KDM4C: variants seen among roughly 807,000 people sequenced by gnomAD.
The protein encoded by KDM4C is lysine demethylase 4C.
KDM4C carries 81 observed loss-of-function variants against 129.3 expected under a neutral mutation model. The observed-to-expected ratio is 0.63, with a 90% CI of 0.52 to 0.75. The LOEUF (loss-of-function observed/expected upper bound fraction) is 0.75, where lower values mean the gene tolerates loss of function less well. Ranked by LOEUF, KDM4C falls within the 30% of genes least tolerant of loss-of-function variation. The probability of loss-of-function intolerance (pLI) is 0.00; values close to 1 mark genes in which losing one functional copy is unlikely to be tolerated. For missense variants in KDM4C, 1,457 were observed against 1,304.0 expected (o/e 1.12, Z -1.81); for synonymous variants, 573 against 456.1 (o/e 1.26, Z -3.26).
At chr9:7,161,857 C>G (rs920847252) in intron 19 of KDM4C, among the ~76,000 whole-genome samples, 1 of 152,216 alleles carries the variant, frequency 6.6e-6, no homozygotes, top group Non-Finnish European at 1.5e-5. Flanking sequence ...TAGTCTCATT[C>G]TTGTTTAAAT....
intron 1 of KDM4C, among the ~76,000 whole-genome samples, chr9:6,738,288 C>T (rs887652057): frequency 2.0e-5 from 3 of 152,000 alleles, no homozygotes; most frequent in African/African-American, 7.2e-5. Context: ...ACTGGCCTGA[C>T]CAACATGGAG....
At chr9:6,976,056 C>A (rs2792231) in intron 8 of KDM4C, among the ~76,000 whole-genome samples, 23,452 of 149,040 alleles carry the variant, frequency 0.16, 1,956 homozygotes, top group Admixed American at 0.22. Flanking sequence ...AATAAAAAAT[C>A]AGTTAGGGGA....
intron 1 of KDM4C, among the ~76,000 whole-genome samples, chr9:6,775,038 T>C (rs536127739): frequency 6.6e-6 from 1 of 152,104 alleles, no homozygotes; most frequent in African/African-American, 2.4e-5. Context: ...TGAGATGGAG[T>C]CTCTCTCTGT....
intron 12 of KDM4C, among the ~76,000 whole-genome samples, chr9:6,998,808 C>A (rs777053687): frequency 2.2e-4 from 33 of 152,038 alleles, no homozygotes; most frequent in Admixed American, 5.9e-4. Flanking sequence ...AAAAAACAAA[C>A]CAACCAACAA....
At chr9:7,051,885 A>G (rs1002742596) in intron 17 of KDM4C, among the ~76,000 whole-genome samples, 1 of 152,326 alleles carries the variant, frequency 6.6e-6, no homozygotes, top group Admixed American at 6.5e-5. Flanking sequence ...CATTACTGAC[A>G]TTTTAGAGCA....
chr9:7,094,091 T>C (rs1343939852), intron 17 of KDM4C, among the ~76,000 whole-genome samples: 1 of 152,256 alleles, frequency 6.6e-6, no homozygotes, highest in African/African-American at 2.4e-5. Flanking sequence ...CATCTTTACC[T>C]ATCCAGTGAA....
chr9:7,049,580 T>C (rs1473203516), intron 17 of KDM4C, among the ~76,000 whole-genome samples: 1 of 152,118 alleles, frequency 6.6e-6, no homozygotes, highest in Non-Finnish European at 1.5e-5. Flanking sequence ...CCTAGCAAAA[T>C]GTATCTAACC....
intron 17 of KDM4C, chr9:7,077,039 C>G (rs1389368191): frequency 1.0e-6 from 1 of 985,358 alleles, no homozygotes; most frequent in Middle Eastern, 5.2e-4. Context: ...CACAACAAAG[C>G]AACTGAACGT....
chr9:6,848,573 G>T (rs915705182), intron 4 of KDM4C, among the ~76,000 whole-genome samples: 4 of 152,106 alleles, frequency 2.6e-5, no homozygotes, highest in African/African-American at 9.7e-5. Context: ...GAAGGCTGAG[G>T]CATAAGAATT....
intron 17 of KDM4C, among the ~76,000 whole-genome samples, chr9:7,071,859 C>T (rs1833241733): frequency 6.6e-6 from 1 of 152,130 alleles, no homozygotes; most frequent in Non-Finnish European, 1.5e-5. Context: ...CTGATCTCAT[C>T]TGAAAGACAC....
intron 17 of KDM4C, among the ~76,000 whole-genome samples, chr9:7,101,162 TG>T (rs1397173771): frequency 5.9e-5 from 9 of 152,212 alleles, no homozygotes; most frequent in Non-Finnish European, 8.8e-5. Flanking sequence ...ATTCATTAAT[TG>T]TAGCATGCCT....
intron 19 of KDM4C, among the ~76,000 whole-genome samples, chr9:7,135,078 C>T (rs894593794): frequency 5.3e-4 from 81 of 152,182 alleles, no homozygotes; most frequent in African/African-American, 1.9e-3. Flanking sequence ...GCAGTTGCAT[C>T]TTGTTCCTTT....
chr9:6,911,038 A>G (rs1589058077), intron 8 of KDM4C, among the ~76,000 whole-genome samples: 2 of 152,178 alleles, frequency 1.3e-5, no homozygotes, highest in Admixed American at 1.3e-4. Context: ...TTTTAGCGTC[A>G]TCTTTGCAGG....
At chr9:6,952,796 T>C (rs1828409157) in intron 8 of KDM4C, among the ~76,000 whole-genome samples, 1 of 152,194 alleles carries the variant, frequency 6.6e-6, no homozygotes, top group South Asian at 2.1e-4. Context: ...GTGACATAAG[T>C]GCTCTTAGAA....
At chr9:6,950,430 G>C (rs1274214202) in intron 8 of KDM4C, among the ~76,000 whole-genome samples, 2 of 152,086 alleles carry the variant, frequency 1.3e-5, no homozygotes, top group East Asian at 3.9e-4. Context: ...TCTAGGTATG[G>C]GGTAAATTCA....
At chr9:6,742,712 A>C (rs1357763641) in intron 1 of KDM4C, among the ~76,000 whole-genome samples, 4 of 151,458 alleles carry the variant, frequency 2.6e-5, no homozygotes, top group African/African-American at 9.7e-5. Flanking sequence ...GTCTCACTCA[A>C]TTGAGTAGGC....
chr9:6,867,418 G>C (rs893894655), intron 5 of KDM4C, among the ~76,000 whole-genome samples: 1 of 152,122 alleles, frequency 6.6e-6, no homozygotes, highest in Admixed American at 6.5e-5. Context: ...ATTGATATTT[G>C]AATAAATGAT....
In KDM4C at chr9:6,903,948, A is replaced by G. The variant is rs554295896; in HGVS notation, c.921+10716A>G. On this transcript the variant is annotated intron_variant, in intron 8 of 21. Transcript: ENST00000381309. ...TTTAATATATCATTCTGTTCAATATATCTTTCATTAGCCGGGCGCGGTGGC... is the reference window on the plus strand; with the variant it reads ...TTTAATATATCATTCTGTTCAATATGTCTTTCATTAGCCGGGCGCGGTGGC... Among the ~76,000 whole-genome samples the G allele has an allele frequency of 3.9e-5, 6 of 152,312 alleles. No homozygotes were observed. In the East Asian group the frequency reaches 1.2e-3, roughly 29 times the overall value.
At chr9:6,753,337 A>G (rs1177234055), upstream of KDM4C, among the ~76,000 whole-genome samples, 1 of 152,238 alleles carries the variant, frequency 6.6e-6, no homozygotes. Context: ...GACTTGTTCC[A>G]TGATTATTAA....
Sources: allele counts gnomAD v4.1 joint callset (sites outside exome capture counted in the v4.1 genomes callset), GRCh38; gene constraint gnomAD v4.1.1; transcripts MANE v1.5; gene names NCBI Gene and HGNC (gene_info 2026-07-23, HGNC 2026-07-21).